Variants in PALM2AKAP2 observed in about 807,000 individuals in gnomAD.
PALM2AKAP2 encodes PALM2 and AKAP2 fusion.
Under a neutral mutation model 71.5 loss-of-function variants are expected in PALM2AKAP2, and 37 were observed. That is an observed-to-expected ratio of 0.52 (90% CI 0.40 to 0.68). The LOEUF is 0.68. Among genes scored for constraint, PALM2AKAP2 ranks in the 30% least tolerant of loss-of-function variants. The pLI is 0.00. For synonymous variants in PALM2AKAP2, 468 were observed against 478.8 expected, an observed-to-expected ratio of 0.98 and a Z score of 0.29; for missense variants, 1,224 against 1,191.8, an observed-to-expected ratio of 1.03 and a Z score of -0.40.
intron 1 of PALM2AKAP2, among the ~76,000 whole-genome samples, chr9:109,668,649 T>C (rs1247165197): frequency 6.6e-6 from 1 of 152,144 alleles, no homozygotes; most frequent in Admixed American, 6.5e-5. Flanking sequence ...TTTTTTTTAT[T>C]TGGTCTGTGG....
chr9:110,125,438 G>C, intron 1 of PALM2AKAP2: 1 of 933,428 alleles, frequency 1.1e-6, no homozygotes, highest in Non-Finnish European at 1.3e-6. Context: ...TGTGTGAATG[G>C]CCTTTTAGGG....
rs1835954624 is a variant in PALM2AKAP2 at position 110,138,559 on chromosome 9, T to G, written c.2569+20T>G. On this transcript the variant is annotated intron_variant, in intron 2 of 3. Transcript: ENST00000374525. ...CTCCAGGTAAGTGAGGTGCCTCACA[T>G]GAGAGACAGATGCCACAGCAGTCTG... 1.9e-6 allele frequency: 3 copies of G among 1,561,566 alleles called. No individual in the cohort carries two copies. Among genetic ancestry groups the G allele is most frequent in the African/African-American group, 2.7e-5 (2 of 73,208 alleles).
chr9:109,896,185 CAAAAAG>C lies in PALM2AKAP2; in HGVS notation c.257+15526_257+15531del, dbSNP rs572559628. 1.4e-3 allele frequency among the ~76,000 whole-genome samples: 211 copies of C among 151,624 alleles called. 1 individual carries two copies. Among genetic ancestry groups the C allele is most frequent in the Non-Finnish European group, 2.1e-3 (144 of 67,896 alleles). ...GGGCAACAAGAGTGAAACTCCGTCTCAAAAAGAAAAAGAAAAAGAAAAAGAAACCAT... is the reference window on the plus strand; with the variant it reads ...GGGCAACAAGAGTGAAACTCCGTCTCAAAAAGAAAAAGAAAAAGAAACCAT... On this transcript the variant is annotated intron_variant, in intron 3 of 9. Transcript: ENST00000302798.
At chr9:109,807,847 T>A (rs1240623504) in intron 1 of PALM2AKAP2, among the ~76,000 whole-genome samples, 2 of 152,196 alleles carry the variant, frequency 1.3e-5, no homozygotes, top group African/African-American at 4.8e-5. Context: ...TGGGGGTGGT[T>A]ACCCCTGTGC....
rs1028529868 is a variant in PALM2AKAP2, at chr9:109,982,544, G to A, written c.497-33410G>A. ...CCATCTACCCTGATGTGATTATTTCGCATCGTATGCCAGTATCAAAATATA... is the reference window on the plus strand; with the variant it reads ...CCATCTACCCTGATGTGATTATTTCACATCGTATGCCAGTATCAAAATATA... On this transcript the variant is annotated intron_variant, in intron 6 of 9. Coordinates refer to the PALM2AKAP2 transcript ENST00000302798. Among the ~76,000 whole-genome samples the A allele has an allele frequency of 4.6e-5, 7 of 152,190 alleles. No individual in the cohort carries two copies. The Middle Eastern group carries it at 0.01, about 222-fold the overall frequency.
At chr9:110,110,730 A>G (rs1835229757) in intron 1 of PALM2AKAP2, among the ~76,000 whole-genome samples, 1 of 151,726 alleles carries the variant, frequency 6.6e-6, no homozygotes, top group Non-Finnish European at 1.5e-5. Context: ...TATTTTTAGT[A>G]GAGTCAGGGT....
chr9:109,983,978 A>G (rs527919027), intron 6 of PALM2AKAP2, among the ~76,000 whole-genome samples: 1 of 152,358 alleles, frequency 6.6e-6, no homozygotes, highest in Admixed American at 6.5e-5. Flanking sequence ...TGAATAAATC[A>G]TCATAATTAA....
chr9:109,660,346 A>AC (rs1332836097), intron 1 of PALM2AKAP2, among the ~76,000 whole-genome samples: 42 of 150,444 alleles, frequency 2.8e-4, no homozygotes, highest in Non-Finnish European at 4.7e-4. Context: ...TCCCTCCCCA[A>AC]CCCCCCCAAC....
chr9:109,932,128 G>T (rs1342603600), intron 6 of PALM2AKAP2, 100 bp downstream of exon 6: 1 of 1,256,274 alleles, frequency 8.0e-7, no homozygotes, highest in African/African-American at 1.5e-5. Flanking sequence ...TTACATAGGG[G>T]GAGCTCACCT....
upstream of PALM2AKAP2, among the ~76,000 whole-genome samples, chr9:110,047,295 A>G (rs1356069656): frequency 6.6e-6 from 1 of 152,186 alleles, no homozygotes; most frequent in Admixed American, 6.5e-5. Context: ...CCCATTGTAG[A>G]CTTCATCCTC....
In PALM2AKAP2 at chr9:110,137,308, G is replaced by T. The variant is rs1259706727; in HGVS notation, c.1338G>T (p.Arg446Ser). 1.9e-6 allele frequency: 3 copies of T among 1,614,064 alleles called. No individual in the cohort carries two copies. The African/African-American group carries it at 4.0e-5, about 22-fold the overall frequency. Residue 446 changes from arginine to serine, a missense_variant, in exon 2 of 4, where the codon AGG (arginine) becomes AGT (serine). Transcript: ENST00000374525. ...TGTTCTCCATCAAGCCTTTCTACAG[G>T]CCTCTGGGGTCAGTCAACTCAGACA...
intron 1 of PALM2AKAP2, among the ~76,000 whole-genome samples, chr9:110,067,407 G>A (rs1243157168): frequency 6.6e-6 from 1 of 152,202 alleles, no homozygotes; most frequent in African/African-American, 2.4e-5. Flanking sequence ...CGTCTGGTTG[G>A]TGCATTACTT....
intron 1 of PALM2AKAP2, among the ~76,000 whole-genome samples, chr9:110,102,961 T>C (rs1481171035): frequency 6.6e-6 from 1 of 152,154 alleles, no homozygotes; most frequent in African/African-American, 2.4e-5. Context: ...AATTGTCCTC[T>C]CTTGTCCTCA....
At chr9:110,091,651 AT>A in intron 1 of PALM2AKAP2, among the ~76,000 whole-genome samples, 1 of 151,746 alleles carries the variant, frequency 6.6e-6, no homozygotes, top group East Asian at 2.0e-4. Flanking sequence ...TTTAGTAGAG[AT>A]GGGGTTTCAC....
intron 6 of PALM2AKAP2, among the ~76,000 whole-genome samples, chr9:109,996,854 A>C (rs1832583212): frequency 6.6e-6 from 1 of 152,224 alleles, no homozygotes; most frequent in Non-Finnish European, 1.5e-5. Flanking sequence ...AAGCCTGCAC[A>C]TAAATGTCTA....
intron 6 of PALM2AKAP2, among the ~76,000 whole-genome samples, chr9:110,009,662 T>C (rs924233156): frequency 6.9e-6 from 1 of 144,630 alleles, no homozygotes; most frequent in African/African-American, 2.6e-5. Context: ...TGCAGTGAGC[T>C]GAGATCACGC....
At chr9:110,135,162 A>ATAT (rs1374083351) in intron 1 of PALM2AKAP2, among the ~76,000 whole-genome samples, 1 of 48,504 alleles carries the variant, frequency 2.1e-5, no homozygotes, top group African/African-American at 8.3e-5. Context: ...CAAAAAAAAA[A>ATAT]AAATATATAA....
At chr9:109,843,825 G>A (rs1001521105) in intron 1 of PALM2AKAP2, among the ~76,000 whole-genome samples, 15 of 152,148 alleles carry the variant, frequency 9.9e-5, no homozygotes, top group African/African-American at 3.6e-4. Context: ...ACATTTGTAG[G>A]AGCCCGGACG....
At chr9:110,165,860 A>T (rs1360916060) in intron 3 of PALM2AKAP2, among the ~76,000 whole-genome samples, 3 of 152,270 alleles carry the variant, frequency 2.0e-5, no homozygotes, top group African/African-American at 7.2e-5. Context: ...TTGTAACAAG[A>T]GTTCCTAAAG....
Sources: allele counts gnomAD v4.1 joint callset (sites outside exome capture counted in the v4.1 genomes callset), GRCh38; gene constraint gnomAD v4.1.1; transcripts MANE v1.5; gene names NCBI Gene and HGNC (gene_info 2026-07-23, HGNC 2026-07-21).